Variants in SEMA5A observed in about 807,000 individuals in gnomAD.
SEMA5A encodes semaphorin 5A, also known as semaphorin-5A.
In SEMA5A, 55 loss-of-function variants were observed where a neutral mutation model predicts 135.5. The observed-to-expected ratio is 0.41, with a 90% CI of 0.33 to 0.51. The LOEUF (loss-of-function observed/expected upper bound fraction) is 0.51, where lower values mean the gene tolerates loss of function less well. Ranked by LOEUF, SEMA5A falls within the 20% of genes least tolerant of loss-of-function variation. The pLI is 0.37. For synonymous variants in SEMA5A, 580 were observed against 546.5 expected, an observed-to-expected ratio of 1.06 and a Z score of -0.85; for missense variants, 1,290 against 1,419.9, an observed-to-expected ratio of 0.91 and a Z score of 1.47.
rs1757493904 is a variant in SEMA5A at position 9,422,242 on chromosome 5, TCAATGCAGATGTTATAGGGTG to T, written c.-78+15493_-78+15513del. The stretch of plus-strand genomic sequence containing the variant: ...TCATTAACACAGTTGGTCTCACCCT[TCAATGCAGATGTTATAGGGTG>T]CTGCTCCTGAATAATTCTTCAACCT... On this transcript the variant is annotated intron_variant, in intron 2 of 22. Coordinates refer to ENST00000382496, the MANE Select transcript of SEMA5A (RefSeq NM_003966.3). The T allele has an allele frequency of 4.6e-5, 7 of 152,336 alleles. No individual in the cohort carries two copies. The South Asian group carries it at 1.4e-3, about 32-fold the overall frequency. The allele number at this position is 152,336 out of a possible 1,614,324, so 9.4% of individuals were successfully genotyped here.
intron 8 of SEMA5A, among the ~76,000 whole-genome samples, chr5:9,215,762 G>A (rs1746584462): frequency 2.0e-5 from 3 of 151,936 alleles, no homozygotes; most frequent in South Asian, 4.2e-4. Flanking sequence ...ATTTCTAATT[G>A]TGTTTATTTG....
At chr5:9,133,854 T>G (rs568677302) in intron 13 of SEMA5A, among the ~76,000 whole-genome samples, 2 of 150,870 alleles carry the variant, frequency 1.3e-5, no homozygotes, top group African/African-American at 4.9e-5. Flanking sequence ...ATGCTTTGGC[T>G]CTGTGTCCCC....
intron 5 of SEMA5A, among the ~76,000 whole-genome samples, chr5:9,288,979 T>C (rs909116714): frequency 3.3e-5 from 5 of 152,240 alleles, no homozygotes; most frequent in Non-Finnish European, 7.3e-5. Flanking sequence ...TGTCAGAAAG[T>C]GAATCCTAGC....
chr5:9,326,891 T>G (rs1271872159), intron 4 of SEMA5A, among the ~76,000 whole-genome samples: 3 of 152,214 alleles, frequency 2.0e-5, no homozygotes, highest in African/African-American at 7.2e-5. Flanking sequence ...ATCAGTAAAT[T>G]TAAATATAAT....
At chr5:9,345,006 C>G (rs1383746666) in intron 3 of SEMA5A, among the ~76,000 whole-genome samples, 1 of 152,170 alleles carries the variant, frequency 6.6e-6, no homozygotes, top group Non-Finnish European at 1.5e-5. Context: ...TTCCCCATCA[C>G]AGCACTAGTA....
At chr5:9,115,478 A>G (rs1352344548) in intron 15 of SEMA5A, among the ~76,000 whole-genome samples, 1 of 152,232 alleles carries the variant, frequency 6.6e-6, no homozygotes, top group Admixed American at 6.5e-5. Context: ...CTTTTTGAAC[A>G]GAAATGTCTA....
intron 2 of SEMA5A, among the ~76,000 whole-genome samples, chr5:9,410,076 G>C (rs1757047368): frequency 6.6e-6 from 1 of 151,968 alleles, no homozygotes; most frequent in South Asian, 2.1e-4. Context: ...TCTTTTTTTA[G>C]AGACAATTAA....
At position 9,351,861 on chromosome 5, in the gene SEMA5A, T is replaced by C. The variant is rs1754132881; in HGVS notation, c.125-14049A>G. On this transcript the variant is annotated intron_variant, in intron 3 of 22. Transcript: ENST00000382496. Reference sequence around the variant, plus strand: ...TCTCAAAGCTGTACTCTACTTGCATTGGCTTTCTCTGTCTGCAAGGGTCTA... The same window carrying C: ...TCTCAAAGCTGTACTCTACTTGCATCGGCTTTCTCTGTCTGCAAGGGTCTA... 3.3e-5 allele frequency among the ~76,000 whole-genome samples: 5 copies of C among 152,316 alleles called. No individual in the cohort carries two copies. The South Asian group carries it at 1.0e-3, about 32-fold the overall frequency.
At position 9,500,633 on chromosome 5, in the gene SEMA5A, G is replaced by A. The variant is rs1478325196; in HGVS notation, c.-175+44951C>T. ...CACTGGATAAAATACAGGACACCCAGTTCAATTTGCATTTAAGATAAATTA... is the reference window on the plus strand; with the variant it reads ...CACTGGATAAAATACAGGACACCCAATTCAATTTGCATTTAAGATAAATTA... On this transcript the variant is annotated intron_variant, in intron 1 of 22. Coordinates refer to ENST00000382496, the MANE Select transcript of SEMA5A (RefSeq NM_003966.3). Among the ~76,000 whole-genome samples the A allele has an allele frequency of 2.0e-5, 3 of 152,222 alleles. No homozygotes were observed. The East Asian group carries it at 5.8e-4, about 29-fold the overall frequency.
chr5:9,238,841 T>G (rs944866518), intron 5 of SEMA5A, among the ~76,000 whole-genome samples: 2 of 152,132 alleles, frequency 1.3e-5, no homozygotes, highest in South Asian at 4.2e-4. Context: ...AACAGGGATG[T>G]GCGGTAATTC....
intron 11 of SEMA5A, among the ~76,000 whole-genome samples, chr5:9,163,734 T>C (rs194161): frequency 1 from 151,868 of 151,876 alleles, 75,930 homozygotes; most frequent in Non-Finnish European, 1. Flanking sequence ...GGCCCTCATC[T>C]GATATGAGTG....
intron 1 of SEMA5A, among the ~76,000 whole-genome samples, chr5:9,462,045 G>A (rs905315121): frequency 6.6e-6 from 1 of 152,184 alleles, no homozygotes; most frequent in African/African-American, 2.4e-5. Flanking sequence ...TGGTGGCACT[G>A]CTATCTACAA....
At chr5:9,047,634 A>C (rs1429300553) in intron 21 of SEMA5A, among the ~76,000 whole-genome samples, 1 of 152,172 alleles carries the variant, frequency 6.6e-6, no homozygotes, top group Non-Finnish European at 1.5e-5. Flanking sequence ...ACAATGATTG[A>C]TTTTCAACAA....
intron 2 of SEMA5A, among the ~76,000 whole-genome samples, chr5:9,381,038 G>A (rs1329917499): frequency 2.6e-5 from 4 of 152,208 alleles, no homozygotes; most frequent in Admixed American, 2.6e-4. Flanking sequence ...GAAGTTTAAA[G>A]GGAAGTATTG....
intron 3 of SEMA5A, among the ~76,000 whole-genome samples, chr5:9,359,034 T>A (rs1262837955): frequency 1.3e-5 from 2 of 152,114 alleles, no homozygotes; most frequent in Non-Finnish European, 2.9e-5. Flanking sequence ...TAATTAGGGC[T>A]CAGTCCATTT....
At chr5:9,168,738 G>T (rs1265769626) in intron 11 of SEMA5A, among the ~76,000 whole-genome samples, 1 of 152,176 alleles carries the variant, frequency 6.6e-6, no homozygotes, top group Admixed American at 6.5e-5. Flanking sequence ...GAGGCTCGCA[G>T]AGGCTTCCTC....
chr5:9,178,151 C>G (rs1434844403), intron 11 of SEMA5A, among the ~76,000 whole-genome samples: 1 of 151,772 alleles, frequency 6.6e-6, no homozygotes, highest in African/African-American at 2.4e-5. Context: ...TCTCATTATC[C>G]AAGTTAAATC....
At chr5:9,117,762 C>T (rs1341186438) in intron 15 of SEMA5A, among the ~76,000 whole-genome samples, 1 of 152,134 alleles carries the variant, frequency 6.6e-6, no homozygotes, top group African/African-American at 2.4e-5. Context: ...TAAAAACTTC[C>T]AACCAATTTA....
chr5:9,162,380 ACATG>A (rs1179294320), intron 11 of SEMA5A, among the ~76,000 whole-genome samples: 1 of 77,410 alleles, frequency 1.3e-5, no homozygotes, highest in African/African-American at 5.4e-5. Context: ...GTTCAAACAA[ACATG>A]TGTGTGTGTG....
Sources: allele counts gnomAD v4.1 joint callset (sites outside exome capture counted in the v4.1 genomes callset), GRCh38; gene constraint gnomAD v4.1.1; transcripts MANE v1.5; gene names NCBI Gene and HGNC (gene_info 2026-07-23, HGNC 2026-07-21).